TTN: variants seen among roughly 807,000 people sequenced by gnomAD.
TTN encodes the protein connectin.
In TTN, 1,525 loss-of-function variants were observed where a neutral mutation model predicts 3,223.0. The observed-to-expected ratio is 0.47, with a 90% CI of 0.45 to 0.49. The LOEUF (loss-of-function observed/expected upper bound fraction) is 0.49. Among genes scored for constraint, TTN ranks in the 20% least tolerant of loss-of-function variants. The probability of loss-of-function intolerance (pLI) is 0.00; values close to 1 mark genes in which losing one functional copy is unlikely to be tolerated. For synonymous variants in TTN, 14,094 were observed against 15,161.0 expected, an observed-to-expected ratio of 0.93 and a Z score of 5.17; for missense variants, 40,786 against 43,424.0, an observed-to-expected ratio of 0.94 and a Z score of 5.40.
At chr2:178,685,876 G>A (rs995122514) in intron 127 of TTN, among the ~76,000 whole-genome samples, 1 of 152,026 alleles carries the variant, frequency 6.6e-6, no homozygotes, top group African/African-American at 2.4e-5. Context: ...GGACAAGTAC[G>A]GGACAAGAAA....
chr2:178,600,927 G>A lies in TTN; in HGVS notation c.55977C>T (p.Val18659=). The A allele has an allele frequency of 6.2e-7, 1 of 1,612,958 alleles. No homozygotes were observed. The highest frequency in any genetic ancestry group is 8.5e-7 in the Non-Finnish European group (1 of 1,179,294). Reference sequence around the variant, plus strand: ...TGACTCCTGCAGCATTGACAGCTTTGACTCGGAATTCATATTCCCCACCCT... The same window carrying A: ...TGACTCCTGCAGCATTGACAGCTTTAACTCGGAATTCATATTCCCCACCCT... ...LVEGGEYEFR[V]KAVNAAGVSK... The change falls in exon 288 of 363, where the codon GTC becomes GTT. Residue 18659 remains valine (V), a synonymous_variant. Transcript: ENST00000589042.
intron 15 of TTN, 107 bp from the exon 16 acceptor site, chr2:178,784,458 T>G (rs1047934483): frequency 7.4e-7 from 1 of 1,357,820 alleles, no homozygotes. Context: ...TTCTTTAATG[T>G]TCTCATTAGC....
intron 209 of TTN, among the ~76,000 whole-genome samples, chr2:178,650,520 T>C (rs1407564174): frequency 6.6e-6 from 1 of 152,178 alleles, no homozygotes; most frequent in Admixed American, 6.6e-5. Context: ...ACTTTCTATG[T>C]ACATTGGAGA....
At position 178,666,749 on chromosome 2, in the gene TTN, A is replaced by G; in HGVS notation, c.35875+75T>C. On this transcript the variant is annotated intron_variant, in intron 163 of 362. Coordinates refer to ENST00000589042, the MANE Select transcript of TTN (RefSeq NM_001267550.2). Reference sequence around the variant, plus strand: ...CACTGTAGCCACTTTGGCTTAAAAGATATTAGTATTTTTACATGTGTTAAG... The same window carrying G: ...CACTGTAGCCACTTTGGCTTAAAAGGTATTAGTATTTTTACATGTGTTAAG... 8.5e-6 allele frequency: 11 copies of G among 1,289,164 alleles called. No homozygotes were observed. In the South Asian group the frequency reaches 1.7e-4, roughly 19 times the overall value. 79.9% of individuals were successfully genotyped at this position (1,289,164 alleles called of 1,614,324 possible).
In TTN at chr2:178,757,161, T is replaced by C. The variant is rs967584265; in HGVS notation, c.10679-364A>G. 1.9e-3 allele frequency among the ~76,000 whole-genome samples: 288 copies of C among 148,738 alleles called. 17 individuals carry two copies. Among genetic ancestry groups the C allele is most frequent in the Non-Finnish European group, 3.1e-3 (207 of 66,814 alleles). ...CGTCCACTGTATGCTTTAAGTACAG[T>C]AAGTAATACTGTACTTACTTTAAGT... is the stretch of plus-strand genomic sequence containing the variant. On this transcript the variant is annotated intron_variant, in intron 45 of 362. Coordinates refer to ENST00000589042, the MANE Select transcript of TTN (RefSeq NM_001267550.2).
In TTN at chr2:178,551,748, A is replaced by G. The variant is rs796635140; in HGVS notation, c.91152T>C (p.Tyr30384=). The G allele has an allele frequency of 1.2e-6, 2 of 1,613,838 alleles. No individual in the cohort carries two copies. The highest frequency in any genetic ancestry group is 2.2e-5 in the East Asian group (1 of 44,868). The change falls in exon 335 of 363, where the codon TAT becomes TAC. Residue 30384 remains tyrosine (Y), a synonymous_variant. Coordinates refer to ENST00000589042, the MANE Select transcript of TTN (RefSeq NM_001267550.2). ...VNTSPISGRE[Y]RATGLVEGLD... ...GACCTTCTACCAGTCCAGTGGCTCT[A>G]TATTCTCTTCCAGAGATTGGTGATG...
intron 278 of TTN, among the ~76,000 whole-genome samples, chr2:178,606,505 C>T (rs1184414956): frequency 1.3e-5 from 2 of 151,718 alleles, no homozygotes; most frequent in Non-Finnish European, 2.9e-5. Flanking sequence ...TTTAGTGTTT[C>T]GTATTGATTT....
At chr2:178,554,776 G>T in intron 331 of TTN, 24 bp from the exon 332 acceptor site, 1 of 1,612,470 alleles carries the variant, frequency 6.2e-7, no homozygotes, top group Non-Finnish European at 8.5e-7. Flanking sequence ...GACAAAACAC[G>T]ATGTTAGTAC....
Position 178,718,730 on chromosome 2 carries a change from C to A in TTN, c.24470G>T (p.Gly8157Val). 1 of 1,613,698 alleles carries A rather than the reference C, an allele frequency of 6.2e-7. No homozygotes were observed. The highest frequency in any genetic ancestry group is 8.5e-7 in the Non-Finnish European group (1 of 1,179,728). Residue 8157 changes from glycine (G) to valine (V), a missense_variant, in exon 84 of 363, where the codon GGC becomes GTC. Transcript: ENST00000589042. ...AAGATGTGTGGTACAGGAAGCACTGCCAGCATCATTTGTAACGAGGCAAGA... is the reference window on the plus strand; with the variant it reads ...AAGATGTGTGGTACAGGAAGCACTGACAGCATCATTTGTAACGAGGCAAGA... Reference protein sequence around the residue: ...DYSCLVTNDAGSASCTTHLFV... With the variant: ...DYSCLVTNDAVSASCTTHLFV...
In TTN at chr2:178,597,613, G is replaced by T; in HGVS notation, c.57469C>A (p.His19157Asn). 6.2e-7 allele frequency: 1 copy of T among 1,613,154 alleles called. No individual in the cohort carries two copies. Among genetic ancestry groups the T allele is most frequent in the Non-Finnish European group, 8.5e-7 (1 of 1,179,502 alleles). ...SMVIKNCQRS[H>N]QGVYSLLAKN... ...GCAAGAAGAGAATAGACGCCTTGATGGCTCCTCTGGCAGTTCTTGATGACC... is the reference window on the plus strand; with the variant it reads ...GCAAGAAGAGAATAGACGCCTTGATTGCTCCTCTGGCAGTTCTTGATGACC... The change falls in exon 294 of 363, where the codon CAT becomes AAT. Residue 19157 changes from histidine (H) to asparagine (N), a missense_variant. Transcript: ENST00000589042.
At position 178,549,262 on chromosome 2, in the gene TTN, G is replaced by A. The variant is rs2154148019; in HGVS notation, c.92364C>T (p.Gly30788=). 5 of 1,613,904 alleles carry A rather than the reference G, an allele frequency of 3.1e-6. No homozygotes were observed. Among genetic ancestry groups the A allele is most frequent in the Middle Eastern group, 1.6e-4 (1 of 6,062 alleles). The change falls in exon 339 of 363, where the codon GGC becomes GGT. Residue 30788 remains glycine (G), a synonymous_variant. Coordinates refer to ENST00000589042, the MANE Select transcript of TTN (RefSeq NM_001267550.2). ...CCATGACATGGAATTCATACTCATT[G>A]CCTTCTGTCAGACCAGTGACTTTGA... ...TRFKVTGLTE[G]NEYEFHVMAE...
Position 178,565,972 on chromosome 2 carries a change from A to G in TTN, c.80160T>C (p.Ile26720=). The change falls in exon 326 of 363, where the codon ATT becomes ATC. Residue 26720 remains isoleucine, a synonymous_variant. Coordinates refer to ENST00000589042, the MANE Select transcript of TTN (RefSeq NM_001267550.2). ...CTTTTCTGGTTGACTCACGTTTGTC[A>G]ATCACATAGTTCTTGACCTTTGCCC... The part of the protein sequence containing the change: ...DGGAKVKNYV[I]DKRESTRKAY... 1 of 1,613,604 alleles carries G rather than the reference A, an allele frequency of 6.2e-7. No individual in the cohort carries two copies. The highest frequency in any genetic ancestry group is 1.3e-5 in the African/African-American group (1 of 75,004).
chr2:178,739,479 G>A lies in TTN; in HGVS notation c.13754C>T (p.Thr4585Ile), dbSNP rs773644819. The A allele has an allele frequency of 6.2e-7, 1 of 1,613,698 alleles. No homozygotes were observed. Among genetic ancestry groups the A allele is most frequent in the South Asian group, 1.1e-5 (1 of 91,072 alleles). Residue 4585 changes from threonine (T) to isoleucine (I), a missense_variant, in exon 48 of 363, where the codon ACT becomes ATT. Physicochemically the swap from Thr to Ile is moderately conservative, Grantham distance 89. Coordinates refer to ENST00000589042, the MANE Select transcript of TTN (RefSeq NM_001267550.2). ...EKEESSSESG[T>I]EEVATVKIQE... is the part of the protein sequence containing the mutation. ...TATCTTTACTGTAGCAACCTCCTCA[G>A]TACCACTTTCAGAGGAAGACTCCTC...
At position 178,780,147 on chromosome 2, in the gene TTN, A is replaced by C. The variant is rs1430745252; in HGVS notation, c.3582T>G (p.Thr1194=). The change falls in exon 22 of 363, where the codon ACT becomes ACG. Residue 1194 remains threonine, a synonymous_variant. Coordinates refer to ENST00000589042, the MANE Select transcript of TTN (RefSeq NM_001267550.2). ...CAACTTTAGGTTCTTGAACAAATGC[A>C]GTCACTTGTGTCTGATAAAGCATTT... is the stretch of plus-strand genomic sequence containing the variant. The part of the protein sequence containing the change: ...QQEMLYQTQV[T]AFVQEPKVGE... The C allele has an allele frequency of 1.2e-6, 2 of 1,613,898 alleles. No homozygotes were observed. Among genetic ancestry groups the C allele is most frequent in the South Asian group, 1.1e-5 (1 of 91,086 alleles).
chr2:178,571,049 T>C lies in TTN; in HGVS notation c.75083A>G (p.Lys25028Arg), dbSNP rs1708004980. 3.7e-6 allele frequency: 6 copies of C among 1,612,468 alleles called. No homozygotes were observed. Among genetic ancestry groups the C allele is most frequent in the Non-Finnish European group, 5.1e-6 (6 of 1,178,720 alleles). Residue 25028 changes from lysine (K) to arginine (R), a missense_variant, in exon 326 of 363, where the codon AAG (lysine) becomes AGG (arginine). Physicochemically the swap from Lys to Arg is conservative, Grantham distance 26 (BLOSUM62 2). Transcript: ENST00000589042. Reference protein sequence around the residue: ...VTRNSVTLQWKKPTYDGGSKI... With the variant: ...VTRNSVTLQWRKPTYDGGSKI... ...GCTTCCACCGTCATAGGTGGGTTTCTTCCACTGAAGAGTCACAGAATTCCT... is the reference window on the plus strand; with the variant it reads ...GCTTCCACCGTCATAGGTGGGTTTCCTCCACTGAAGAGTCACAGAATTCCT...
At position 178,599,439 on chromosome 2, in the gene TTN, G is replaced by C. The variant is rs749655114; in HGVS notation, c.56354C>G (p.Pro18785Arg). The C allele has an allele frequency of 1.4e-5, 21 of 1,531,420 alleles. No homozygotes were observed. The highest frequency in any genetic ancestry group is 1.7e-5 in the Non-Finnish European group (19 of 1,142,752). The allele number at this position is 1,531,420 out of a possible 1,614,324, so 94.9% of individuals were successfully genotyped here. A position where few individuals can be genotyped will look rare whatever the true frequency, so the allele number is the denominator to read the frequency against. ...KEMRLNVLGR[P>R]GPPVGPIKFE... is the part of the protein sequence containing the mutation. The stretch of plus-strand genomic sequence containing the variant: ...TTTTATGGGTCCCACTGGAGGGCCA[G>C]GACGACCTAAAATGGTTTAAAGAAG... Residue 18785 changes from proline (P) to arginine (R), a missense_variant, in exon 290 of 363, where the codon CCT (proline) becomes CGT (arginine). Coordinates refer to ENST00000589042, the MANE Select transcript of TTN (RefSeq NM_001267550.2).
chr2:178,800,297 TC>T (rs1354033504), intron 4 of TTN, 97 bp downstream of exon 4: 6 of 1,496,182 alleles, frequency 4.0e-6, no homozygotes, highest in Non-Finnish European at 5.5e-6. Context: ...ACAGCATTCT[TC>T]CCAGGGCTGT....
At position 178,720,154 on chromosome 2, in the gene TTN, T is replaced by A; in HGVS notation, c.23488A>T (p.Lys7830Ter). The A allele has an allele frequency of 1.2e-6, 2 of 1,613,794 alleles. No homozygotes were observed. The highest frequency in any genetic ancestry group is 1.7e-6 in the Non-Finnish European group (2 of 1,179,722). The change falls in exon 81 of 363, where the codon AAA (lysine) becomes TAA (stop). Residue 7830 changes from lysine to a stop codon, truncating the protein, a stop_gained. Transcript: ENST00000589042. LOFTEE classifies it high-confidence loss of function. ...TCTCTGATGACTTCACCTCTATCTT[T>A]CAGCCAGACAACAGAAATTGGCTGG... ...GFQPISVVWLKDRGEVIRESE... is the reference protein window; with the variant it reads ...GFQPISVVWL
intron 109 of TTN, 136 bp downstream of exon 109, chr2:178,701,904 C>T (rs901011796): frequency 3.3e-6 from 3 of 915,960 alleles, no homozygotes; most frequent in Admixed American, 5.3e-5. Flanking sequence ...AGTAATTCTA[C>T]TGCATAACAG....
Sources: allele counts gnomAD v4.1 joint callset (sites outside exome capture counted in the v4.1 genomes callset), GRCh38; gene constraint gnomAD v4.1.1; transcripts MANE v1.5; gene names NCBI Gene and HGNC (gene_info 2026-07-23, HGNC 2026-07-21).